The following PARD3B variants were observed in gnomAD, a reference collection of about 807,000 sequenced individuals.
The protein encoded by PARD3B is par-3 family cell polarity regulator beta, also known as partitioning defective 3 homolog B.
A neutral mutation model predicts 130.2 loss-of-function variants in PARD3B; 103 were observed. That is an observed-to-expected ratio of 0.79 (90% confidence interval 0.67 to 0.93). The LOEUF is 0.93. Among genes scored for constraint, PARD3B ranks in the 40% least tolerant of loss-of-function variants. PARD3B has a pLI of 0.00. For missense variants in PARD3B, 1,609 were observed against 1,499.2 expected, an observed-to-expected ratio of 1.07 and a Z score of -1.21; for synonymous variants, 583 against 553.2, an observed-to-expected ratio of 1.05 and a Z score of -0.76.
chr2:205,438,947 T>C (rs944476986), intron 19 of PARD3B, among the ~76,000 whole-genome samples: 18 of 152,190 alleles, frequency 1.2e-4, no homozygotes, highest in Non-Finnish European at 1.8e-4. Flanking sequence ...GCCTTCTTAT[T>C]CTTTTTGTTT....
intron 1 of PARD3B, among the ~76,000 whole-genome samples, chr2:204,619,123 G>A (rs755159485): frequency 3.3e-5 from 5 of 152,070 alleles, no homozygotes; most frequent in Non-Finnish European, 7.4e-5. Context: ...TTTTTAGTCC[G>A]TTGTGCTAGA....
chr2:205,374,785 G>C (rs2044973960), intron 18 of PARD3B, among the ~76,000 whole-genome samples: 1 of 152,070 alleles, frequency 6.6e-6, no homozygotes, highest in South Asian at 2.1e-4. Context: ...AAAAAAGATA[G>C]ATTAAGAGTG....
At chr2:205,389,796 G>C (rs889937214) in intron 18 of PARD3B, among the ~76,000 whole-genome samples, 2 of 152,140 alleles carry the variant, frequency 1.3e-5, no homozygotes, top group South Asian at 4.1e-4. Context: ...TGGAATGAAA[G>C]GTCTAAGTAT....
chr2:205,544,445 G>T (rs571264262), intron 21 of PARD3B, among the ~76,000 whole-genome samples: 1 of 152,168 alleles, frequency 6.6e-6, no homozygotes, highest in Non-Finnish European at 1.5e-5. Context: ...ATACGCACAC[G>T]TGCACATACA....
chr2:205,135,788 A>T (rs964091851), intron 10 of PARD3B, among the ~76,000 whole-genome samples: 5 of 152,158 alleles, frequency 3.3e-5, no homozygotes, highest in Non-Finnish European at 7.4e-5. Flanking sequence ...GGATACAATC[A>T]AACATCGCAG....
chr2:205,251,502 T>A (rs1007303339), intron 16 of PARD3B, among the ~76,000 whole-genome samples: 30 of 152,140 alleles, frequency 2.0e-4, no homozygotes, highest in African/African-American at 7.0e-4. Context: ...AATTTCTAGA[T>A]CCTTGCAAAA....
intron 1 of PARD3B, among the ~76,000 whole-genome samples, chr2:204,593,553 C>A (rs2033162384): frequency 6.6e-6 from 1 of 152,182 alleles, no homozygotes; most frequent in Admixed American, 6.5e-5. Flanking sequence ...TAATATCCTG[C>A]AACTTAAATA....
intron 2 of PARD3B, among the ~76,000 whole-genome samples, chr2:204,808,422 A>G (rs2042850845): frequency 6.6e-6 from 1 of 152,014 alleles, no homozygotes; most frequent in Admixed American, 6.6e-5. Flanking sequence ...TGTTGTACAG[A>G]TTATTTTATC....
intron 2 of PARD3B, among the ~76,000 whole-genome samples, chr2:204,800,141 A>T (rs2042515745): frequency 6.6e-6 from 1 of 152,232 alleles, no homozygotes; most frequent in Admixed American, 6.5e-5. Context: ...AGCACAGAGA[A>T]GGAATTCAGA....
intron 18 of PARD3B, among the ~76,000 whole-genome samples, chr2:205,308,475 C>T (rs528780348): frequency 5.3e-5 from 8 of 151,940 alleles, no homozygotes; most frequent in South Asian, 4.2e-4. Context: ...TGCGTGGTGG[C>T]GGGCGCCTGT....
chr2:204,674,843 A>G (rs947377743), intron 1 of PARD3B, among the ~76,000 whole-genome samples: 1 of 152,224 alleles, frequency 6.6e-6, no homozygotes, highest in Non-Finnish European at 1.5e-5. Flanking sequence ...GAGTTAGCAT[A>G]CAAAGATGCC....
chr2:205,179,293 G>T (rs1400677624), intron 13 of PARD3B, among the ~76,000 whole-genome samples: 1 of 152,152 alleles, frequency 6.6e-6, no homozygotes, highest in Admixed American at 6.5e-5. Context: ...TACTGAGATT[G>T]AAGAAAGAAA....
chr2:204,607,105 G>A (rs1469930115), intron 1 of PARD3B, among the ~76,000 whole-genome samples: 1 of 152,138 alleles, frequency 6.6e-6, no homozygotes, highest in East Asian at 1.9e-4. Flanking sequence ...AGGGTTCTGA[G>A]TTCTACCAAG....
At chr2:205,136,102 A>G (rs1330354711) in intron 10 of PARD3B, among the ~76,000 whole-genome samples, 1 of 152,118 alleles carries the variant, frequency 6.6e-6, no homozygotes, top group Non-Finnish European at 1.5e-5. Context: ...TCTATCACCT[A>G]GTCTTTCCGT....
At chr2:205,159,323 A>G in intron 11 of PARD3B, among the ~76,000 whole-genome samples, 1 of 152,254 alleles carries the variant, frequency 6.6e-6, no homozygotes, top group East Asian at 1.9e-4. Context: ...GAGTGATTGT[A>G]GTATAAATTA....
chr2:205,063,748 C>G (rs566510776), intron 4 of PARD3B, among the ~76,000 whole-genome samples: 1 of 152,056 alleles, frequency 6.6e-6, no homozygotes, highest in Non-Finnish European at 1.5e-5. Flanking sequence ...AAATAAATGG[C>G]AGAAATATTT....
At chr2:205,490,338 C>T (rs530438757) in intron 20 of PARD3B, among the ~76,000 whole-genome samples, 104 of 151,950 alleles carry the variant, frequency 6.8e-4, no homozygotes, top group African/African-American at 2.4e-3. Context: ...TGTTCAATTC[C>T]CACCTATGAG....
rs372998358 is a variant in PARD3B at position 204,732,032 on chromosome 2, C to T, written c.222+45750C>T. 1.6e-4 allele frequency among the ~76,000 whole-genome samples: 24 copies of T among 150,928 alleles called. No individual in the cohort carries two copies. The South Asian group carries it at 3.8e-3, about 24-fold the overall frequency. ...AGTGAGGTTGTTTCCTGTTTGTCTA[C>T]GAATTTAGCCATAACTCACCATTCC... On this transcript the variant is annotated intron_variant, in intron 2 of 22. Transcript: ENST00000406610.
intron 1 of PARD3B, among the ~76,000 whole-genome samples, chr2:204,629,460 C>T (rs2034605600): frequency 6.6e-6 from 1 of 152,132 alleles, no homozygotes; most frequent in Non-Finnish European, 1.5e-5. Context: ...GTTCAGGCAT[C>T]GGTTGCACAA....
Sources: allele counts gnomAD v4.1 joint callset (sites outside exome capture counted in the v4.1 genomes callset), GRCh38; gene constraint gnomAD v4.1.1; transcripts MANE v1.5; gene names NCBI Gene and HGNC (gene_info 2026-07-23, HGNC 2026-07-21).